TSPAN1: variants seen among roughly 807,000 people sequenced by gnomAD.
The protein encoded by TSPAN1 is tetraspanin-1.
Under a neutral mutation model 26.9 loss-of-function variants are expected in TSPAN1, and 23 were observed. That is an observed-to-expected ratio of 0.85 (90% confidence interval 0.62 to 1.21). TSPAN1 has a LOEUF of 1.21. Among genes scored for constraint, TSPAN1 ranks in the 50% most tolerant of loss-of-function variants. The pLI is 0.00. For synonymous variants in TSPAN1, 115 were observed against 114.8 expected (o/e 1.00, Z -0.01); for missense variants, 283 against 298.4 (o/e 0.95, Z 0.38).
At chr1:46,189,946 A>T (rs753688195), downstream of TSPAN1, 18 of 1,614,130 alleles carry the variant, frequency 1.1e-5, no homozygotes, top group Non-Finnish European at 1.5e-5. Context: ...GGCAGGAAAG[A>T]GTCTTCACAA....
intron 1 of TSPAN1, among the ~76,000 whole-genome samples, 164 bp from the exon 2 acceptor site, chr1:46,180,362 T>G (rs1657286607): frequency 6.6e-6 from 1 of 152,176 alleles, no homozygotes; most frequent in Admixed American, 6.5e-5. Flanking sequence ...AGGAGGGGCG[T>G]TGCCCAGGGC....
chr1:46,189,702 T>G, downstream of TSPAN1: 1 of 1,547,920 alleles, frequency 6.5e-7, no homozygotes, highest in Non-Finnish European at 8.7e-7. Flanking sequence ...TTTTAGAATA[T>G]GAATTTGGAC....
At position 46,185,723 on chromosome 1, in the gene TSPAN1, C is replaced by T. The variant is rs1256810868; in HGVS notation, c.*190C>T. On this transcript the variant is annotated 3_prime_UTR_variant, in exon 9 of 9. Coordinates refer to ENST00000372003, the MANE Select transcript of TSPAN1 (RefSeq NM_005727.4). Reference sequence around the variant, plus strand: ...TTTTAGGCGATGCCTGACTTTCCTTCCATTGGTGGGTGGATGGGTGGGGGG... The same window carrying T: ...TTTTAGGCGATGCCTGACTTTCCTTTCATTGGTGGGTGGATGGGTGGGGGG... 10 of 658,008 alleles carry T rather than the reference C, an allele frequency of 1.5e-5. No homozygotes were observed. The highest frequency in any genetic ancestry group is 2.6e-5 in the Non-Finnish European group (10 of 381,698). The allele number at this position is 658,008 out of a possible 1,614,324, so 40.8% of individuals were successfully genotyped here. A position where few individuals can be genotyped will look rare whatever the true frequency, so the allele number is the denominator to read the frequency against.
chr1:46,176,284 A>G (rs950196378), intron 1 of TSPAN1: 5 of 1,535,788 alleles, frequency 3.3e-6, no homozygotes, highest in Middle Eastern at 3.3e-4. Context: ...GTTGATACCC[A>G]TGGCCCTGGT....
At chr1:46,189,083 C>G (rs954178455), downstream of TSPAN1, 59 of 1,511,806 alleles carry the variant, frequency 3.9e-5, no homozygotes, top group Non-Finnish European at 4.5e-5. Flanking sequence ...AATAAATAGA[C>G]TTTTAACTCA....
chr1:46,186,674 T>TTTG (rs1657435982), downstream of TSPAN1, among the ~76,000 whole-genome samples: 1 of 141,884 alleles, frequency 7.0e-6, no homozygotes, highest in African/African-American at 2.6e-5. Context: ...GTTTTTTTTT[T>TTTG]TTTTTTTTTG....
At chr1:46,190,161 C>T (rs937602509), downstream of TSPAN1, 3 of 809,930 alleles carry the variant, frequency 3.7e-6, no homozygotes, top group African/African-American at 3.5e-5. Flanking sequence ...TCTCCTGCCT[C>T]AGCCTCCCAA....
the TSPAN1 span, chr1:46,190,977 A>G: frequency 1.3e-5 from 8 of 604,202 alleles, no homozygotes; most frequent in African/African-American, 1.3e-4. Flanking sequence ...TTTGGCCTCC[A>G]CCATTGCTGG....
At chr1:46,177,519 G>A (rs1657209726) in intron 1 of TSPAN1, among the ~76,000 whole-genome samples, 1 of 152,104 alleles carries the variant, frequency 6.6e-6, no homozygotes, top group South Asian at 2.1e-4. Flanking sequence ...AGAAAGACTA[G>A]AGAGCACTTC....
chr1:46,182,697 TTATG>T (rs1298671057), intron 3 of TSPAN1, among the ~76,000 whole-genome samples: 5 of 151,948 alleles, frequency 3.3e-5, no homozygotes, highest in South Asian at 2.1e-4. Flanking sequence ...GCGACAGAGT[TTATG>T]TATGTATTGA....
chr1:46,179,078 T>C (rs1657250843), intron 1 of TSPAN1, among the ~76,000 whole-genome samples: 1 of 151,684 alleles, frequency 6.6e-6, no homozygotes, highest in South Asian at 2.1e-4. Flanking sequence ...TGTAATCCCA[T>C]CACTTTGGGA....
the TSPAN1 span, chr1:46,196,156 C>G: frequency 3.1e-6 from 5 of 1,605,966 alleles, no homozygotes; most frequent in Non-Finnish European, 3.4e-6. The surrounding 1 kb of genome is among the most constrained non-coding windows in gnomAD (Gnocchi z 4.4). Context: ...CTTAAAACAC[C>G]AGCTGCTTGA....
intron 4 of TSPAN1, 38 bp downstream of exon 4, chr1:46,184,435 G>T (rs2234269): frequency 1.0e-4 from 169 of 1,613,288 alleles, no homozygotes; most frequent in Non-Finnish European, 1.0e-4. Flanking sequence ...ATGACCAAGA[G>T]TCCCCTCGCC....
rs1557666129 is a variant in TSPAN1 at position 46,185,318 on chromosome 1, T to G, written c.678+10T>G. 2 of 1,613,890 alleles carry G rather than the reference T, an allele frequency of 1.2e-6. No individual in the cohort carries two copies. The highest frequency in any genetic ancestry group is 1.7e-6 in the Non-Finnish European group (2 of 1,179,986). On this transcript the variant is annotated intron_variant, in intron 8 of 8. Coordinates refer to ENST00000372003, the MANE Select transcript of TSPAN1 (RefSeq NM_005727.4). ...AATTGGGGGCCTCGAGGTAAGCAGA[T>G]GAGGAGGCTGGGACTGGGACATGGG...
chr1:46,176,500 G>A, intron 1 of TSPAN1: 1 of 1,533,326 alleles, frequency 6.5e-7, no homozygotes, highest in Non-Finnish European at 8.7e-7. Context: ...CAGTGTGCCT[G>A]GGGGGTGCTG....
downstream of TSPAN1, chr1:46,190,834 C>T: frequency 6.6e-7 from 1 of 1,517,362 alleles, no homozygotes; most frequent in African/African-American, 1.4e-5. Context: ...GTCTGGCCCA[C>T]ACCCACTTGC....
At chr1:46,190,287 AC>A, downstream of TSPAN1, 1 of 778,338 alleles carries the variant, frequency 1.3e-6, no homozygotes, top group South Asian at 1.5e-5. Flanking sequence ...CTCATGATCC[AC>A]CCACCTCGGC....
intron 1 of TSPAN1, chr1:46,176,441 G>C: frequency 6.5e-7 from 1 of 1,535,756 alleles, no homozygotes; most frequent in Non-Finnish European, 8.7e-7. Context: ...CCCTGGGGCC[G>C]AGGGCCACGG....
downstream of TSPAN1, chr1:46,189,490 G>A (rs2148163363): frequency 6.2e-7 from 1 of 1,613,664 alleles, no homozygotes; most frequent in Non-Finnish European, 8.5e-7. Flanking sequence ...CCACCATCAG[G>A]AAGTGGTTCT....
Sources: gnomAD v4.1 joint callset for allele counts (sites outside exome capture counted in the v4.1 genomes callset) on GRCh38, gnomAD v4.1.1 for gene constraint, Gnocchi (gnomAD v3.1) non-coding constraint, MANE v1.5 for transcripts, NCBI Gene and HGNC (gene_info 2026-07-23, HGNC 2026-07-21) for gene names.